Variants in GMPS observed in about 807,000 individuals in gnomAD.
GMPS encodes the protein GMP synthase [glutamine-hydrolyzing].
GMPS carries 15 observed loss-of-function variants against 77.9 expected under a neutral mutation model. The ratio of observed to expected loss-of-function variants is 0.19; its 90% confidence interval spans 0.13 to 0.30. The LOEUF (loss-of-function observed/expected upper bound fraction) is 0.30, where lower values mean the gene tolerates loss of function less well. Among genes scored for constraint, GMPS ranks in the 10% least tolerant of loss-of-function variants. The pLI is 1.00. For missense variants in GMPS, 590 were observed against 838.8 expected (o/e 0.70, Z 3.66); for synonymous variants, 224 against 275.9 (o/e 0.81, Z 1.86).
At chr3:155,879,322 C>T (rs978371450) in intron 1 of GMPS, among the ~76,000 whole-genome samples, 1 of 143,420 alleles carries the variant, frequency 7.0e-6, no homozygotes, top group Non-Finnish European at 1.5e-5. Flanking sequence ...GGCTGGACTG[C>T]AGTGGTGCTA....
chr3:155,932,508 A>G (rs1475115485), intron 13 of GMPS, among the ~76,000 whole-genome samples: 1 of 152,234 alleles, frequency 6.6e-6, no homozygotes, highest in East Asian at 1.9e-4. Flanking sequence ...TACATTGGAT[A>G]TATCAACAGC....
chr3:155,870,971 G>T, intron 1 of GMPS, 74 bp downstream of exon 1: 2 of 1,334,116 alleles, frequency 1.5e-6, no homozygotes, highest in Non-Finnish European at 1.9e-6. Flanking sequence ...CACCCCGCGA[G>T]GCCCTTCCCC....
intron 14 of GMPS, among the ~76,000 whole-genome samples, 187 bp downstream of exon 14, chr3:155,935,233 G>T (rs912129328): frequency 6.6e-6 from 1 of 152,130 alleles, no homozygotes; most frequent in African/African-American, 2.4e-5. Flanking sequence ...GCCCAGGCTG[G>T]AGTGCAGTGG....
chr3:155,908,452 G>A (rs1754951357), intron 5 of GMPS, among the ~76,000 whole-genome samples: 1 of 152,168 alleles, frequency 6.6e-6, no homozygotes, highest in Non-Finnish European at 1.5e-5. Flanking sequence ...GTGTCTGCGT[G>A]CCTAACTTTT....
Position 155,870,911 on chromosome 3 carries a change from T to G in GMPS, c.27+14T>G. 6.7e-7 allele frequency: 1 copy of G among 1,495,794 alleles called. No individual in the cohort carries two copies. Among genetic ancestry groups the G allele is most frequent in the Non-Finnish European group, 8.9e-7 (1 of 1,125,594 alleles). 92.7% of individuals were successfully genotyped at this position (1,495,794 alleles called of 1,614,324 possible). On this transcript the variant is annotated intron_variant, in intron 1 of 15. Transcript: ENST00000496455. The stretch of plus-strand genomic sequence containing the variant: ...GGAGACTCCAAGGTCAGCGTGGGGG[T>G]CCCTGCAGCACCGCATCCCGGCGGA...
rs111841947 is a variant in GMPS at position 155,878,225 on chromosome 3, C to T, written c.27+7328C>T. Among the ~76,000 whole-genome samples the T allele has an allele frequency of 5.3e-4, 80 of 152,234 alleles. 4 individuals are homozygous for T. The highest frequency in any genetic ancestry group is 1.8e-3 in the African/African-American group (76 of 41,554). ...TTTAGGGGGACACAAACATTCAGAC[C>T]GTAGCACCTATTTTGGACATTTTGT... is the stretch of plus-strand genomic sequence containing the variant. On this transcript the variant is annotated intron_variant, in intron 1 of 15. Coordinates refer to ENST00000496455, the MANE Select transcript of GMPS (RefSeq NM_003875.3).
chr3:155,926,683 C>T (rs1755465042), intron 12 of GMPS, among the ~76,000 whole-genome samples: 1 of 152,004 alleles, frequency 6.6e-6, no homozygotes, highest in South Asian at 2.1e-4. Flanking sequence ...GTTTAAATTC[C>T]CCTTTGCTCT....
At chr3:155,936,122 G>A (rs1755759773) in intron 14 of GMPS, among the ~76,000 whole-genome samples, 1 of 152,166 alleles carries the variant, frequency 6.6e-6, no homozygotes, top group Admixed American at 6.5e-5. Context: ...GCACATCAGT[G>A]AAACATCACT....
At chr3:155,889,135 G>A (rs1016617755) in intron 1 of GMPS, among the ~76,000 whole-genome samples, 1 of 152,184 alleles carries the variant, frequency 6.6e-6, no homozygotes, top group African/African-American at 2.4e-5. Flanking sequence ...AGCTAGTCAA[G>A]ATAACGTTTC....
chr3:155,925,788 C>G (rs1426015713), intron 12 of GMPS, among the ~76,000 whole-genome samples: 1 of 152,040 alleles, frequency 6.6e-6, no homozygotes, highest in African/African-American at 2.4e-5. Flanking sequence ...GTGAAATATA[C>G]TGTGGTTTTA....
At chr3:155,874,919 T>G in intron 1 of GMPS, among the ~76,000 whole-genome samples, 1 of 143,570 alleles carries the variant, frequency 7.0e-6, no homozygotes. Context: ...TTTTTTTTTT[T>G]TTTTTTGAGA....
Position 155,937,577 on chromosome 3 carries a change from A to AT in GMPS, c.1981-6dup, listed in dbSNP as rs1755792965. ...CAGTGGATGCTGACTTTTCTCTATA[A>AT]TTTTTTTTAATAGGTGGTATTAAAG... On this transcript the variant is annotated splice_polypyrimidine_tract_variant and intron_variant, in intron 15 of 15. Transcript: ENST00000496455. 61 of 1,142,946 alleles carry AT rather than the reference A, an allele frequency of 5.3e-5. No homozygotes were observed. Among genetic ancestry groups the AT allele is most frequent in the Non-Finnish European group, 7.6e-5 (57 of 753,816 alleles). 70.8% of individuals were successfully genotyped at this position (1,142,946 alleles called of 1,614,324 possible).
Position 155,942,488 on chromosome 3 carries a change from A to C in GMPS, c.*4796A>C, listed in dbSNP as rs1250019769. The stretch of plus-strand genomic sequence containing the variant: ...TCATAGGTGAATCTTTGTCAAACCT[A>C]TAGGAGAGAGATGCAGGCCATAGAG... On this transcript the variant is annotated 3_prime_UTR_variant, in exon 16 of 16. Transcript: ENST00000496455. The C allele has an allele frequency of 1.3e-5, 3 of 224,320 alleles. No homozygotes were observed. Among genetic ancestry groups the C allele is most frequent in the Non-Finnish European group, 2.7e-5 (3 of 112,560 alleles). The allele number at this position is 224,320 out of a possible 1,614,324, so 13.9% of individuals were successfully genotyped here.
chr3:155,921,877 AC>A (rs1755326356), intron 10 of GMPS, among the ~76,000 whole-genome samples: 1 of 152,336 alleles, frequency 6.6e-6, no homozygotes, highest in Non-Finnish European at 1.5e-5. Flanking sequence ...TGATAGTATT[AC>A]CCTGTTTTAT....
chr3:155,874,669 G>A (rs1391989706), intron 1 of GMPS, among the ~76,000 whole-genome samples: 2 of 152,008 alleles, frequency 1.3e-5, no homozygotes, highest in Non-Finnish European at 2.9e-5. Flanking sequence ...CAGGAATCTC[G>A]GATGACATTG....
At chr3:155,927,659 A>G (rs1755491368) in intron 12 of GMPS, among the ~76,000 whole-genome samples, 1 of 152,278 alleles carries the variant, frequency 6.6e-6, no homozygotes, top group South Asian at 2.1e-4. Flanking sequence ...CTAAATACCA[A>G]AGTAAACCGT....
chr3:155,878,384 T>A (rs1429326246), intron 1 of GMPS, among the ~76,000 whole-genome samples: 1 of 152,254 alleles, frequency 6.6e-6, no homozygotes, highest in African/African-American at 2.4e-5. Context: ...GTATACCACC[T>A]TATATTTATC....
chr3:155,914,693 T>C, intron 8 of GMPS, 123 bp downstream of exon 8: 1 of 573,964 alleles, frequency 1.7e-6, no homozygotes, highest in Non-Finnish European at 2.9e-6. Context: ...CTTATGTGGC[T>C]GAGAGTTTTA....
intron 4 of GMPS, among the ~76,000 whole-genome samples, chr3:155,905,758 T>G (rs774573277): frequency 2.0e-5 from 3 of 152,228 alleles, no homozygotes; most frequent in Non-Finnish European, 4.4e-5. Context: ...GTTTCAGTAC[T>G]AAGTCCTATT....
Sources: gnomAD v4.1 joint callset for allele counts (sites outside exome capture counted in the v4.1 genomes callset) on GRCh38, gnomAD v4.1.1 for gene constraint, MANE v1.5 for transcripts, NCBI Gene and HGNC (gene_info 2026-07-23, HGNC 2026-07-21) for gene names.